Variants in ASAH1 observed in about 807,000 individuals in gnomAD.
ASAH1 encodes N-acylsphingosine amidohydrolase 1, also known as acid ceramidase.
In ASAH1, 70 loss-of-function variants were observed where a neutral mutation model predicts 59.5. That is an observed-to-expected ratio of 1.18 (90% CI 0.97 to 1.43). The LOEUF is 1.43. ASAH1 is among the 40% of genes most tolerant of loss of function. The pLI is 0.00. For synonymous variants in ASAH1, 213 were observed against 166.5 expected (o/e 1.28, Z -2.15); for missense variants, 660 against 482.5 (o/e 1.37, Z -3.45).
intron 5 of ASAH1, chr8:18,066,969 G>A (rs1799951837): frequency 2.4e-6 from 1 of 411,502 alleles, no homozygotes; most frequent in Non-Finnish European, 4.3e-6. Context: ...TACTGGAGGA[G>A]GCAGTATTTT....
intron 5 of ASAH1, chr8:18,066,262 A>C (rs1297031202): frequency 6.6e-6 from 1 of 152,074 alleles, no homozygotes; most frequent in East Asian, 1.9e-4. Context: ...AGACAAAAGT[A>C]AGAGAATAAA....
At chr8:18,078,105 G>T (rs991053148) in intron 1 of ASAH1, among the ~76,000 whole-genome samples, 2 of 152,078 alleles carry the variant, frequency 1.3e-5, no homozygotes, top group African/African-American at 4.8e-5. Flanking sequence ...TAATCTGCGC[G>T]TAGTTCAGGG....
chr8:18,072,308 T>C (rs926475032), intron 2 of ASAH1, among the ~76,000 whole-genome samples: 25 of 152,324 alleles, frequency 1.6e-4, no homozygotes, highest in Admixed American at 3.3e-4. Context: ...GTCTCCTAAA[T>C]AGAAATGTTA....
chr8:18,060,228 G>GCGA (rs1452463697), intron 10 of ASAH1: 4 of 158,934 alleles, frequency 2.5e-5, no homozygotes, highest in African/African-American at 9.6e-5. Context: ...CTTGGCACAA[G>GCGA]CGATACTCTT....
At chr8:18,067,100 T>TGCACCTGTGCTGTATATCTAAGTCATACA in intron 5 of ASAH1, 120 bp downstream of exon 5, 2 of 548,490 alleles carry the variant, frequency 3.6e-6, no homozygotes, top group Non-Finnish European at 6.0e-6. Flanking sequence ...CTAAGACCTG[T>TGCACCTGTGCTGTATATCTAAGTCATACA]GCACCTGTGC....
At chr8:18,084,767 C>T, upstream of ASAH1, 1 of 1,613,634 alleles carries the variant, frequency 6.2e-7, no homozygotes, top group Non-Finnish European at 8.5e-7. Context: ...GTGGGACCCG[C>T]GAGCTTTCTC....
At chr8:18,080,640 C>G (rs1394200327) in intron 1 of ASAH1, among the ~76,000 whole-genome samples, 1 of 152,178 alleles carries the variant, frequency 6.6e-6, no homozygotes, top group East Asian at 1.9e-4. Flanking sequence ...TCACTGCAAC[C>G]TCTCCCTCCC....
intron 1 of ASAH1, 130 bp from the exon 2 acceptor site, chr8:18,075,717 T>A: frequency 1.3e-6 from 1 of 780,598 alleles, no homozygotes; most frequent in Non-Finnish European, 2.2e-6. Flanking sequence ...TTTCAATGCC[T>A]CTTAAAATAA....
chr8:18,083,783 G>C, intron 1 of ASAH1, 198 bp downstream of exon 1: 1 of 1,081,564 alleles, frequency 9.2e-7, no homozygotes, highest in Non-Finnish European at 1.3e-6. Flanking sequence ...TCTAGTTGCA[G>C]GTAGCACCGA....
chr8:18,081,337 T>C (rs1455728284), intron 1 of ASAH1, among the ~76,000 whole-genome samples: 2 of 152,146 alleles, frequency 1.3e-5, no homozygotes, highest in Admixed American at 6.6e-5. Context: ...CCTGTTTTCT[T>C]TTCTGGACTA....
At chr8:18,077,316 T>C (rs1800445518) in intron 1 of ASAH1, among the ~76,000 whole-genome samples, 1 of 152,268 alleles carries the variant, frequency 6.6e-6, no homozygotes, top group Non-Finnish European at 1.5e-5. Context: ...CCTCGCATGT[T>C]CACAAGTTTT....
chr8:18,084,718 C>T, upstream of ASAH1: 3 of 1,613,798 alleles, frequency 1.9e-6, no homozygotes, highest in Middle Eastern at 1.6e-4. Context: ...GAATTGAGGC[C>T]TCGGTGAAAA....
intron 9 of ASAH1, 81 bp from the exon 10 acceptor site, chr8:18,061,539 T>C: frequency 1.2e-5 from 17 of 1,446,540 alleles, no homozygotes; most frequent in Middle Eastern, 1.7e-4. Context: ...GGCTGGACTA[T>C]ATAACCAGTC....
intron 2 of ASAH1, 67 bp from the exon 3 acceptor site, chr8:18,071,457 C>T (rs947633420): frequency 1.9e-6 from 2 of 1,050,486 alleles, no homozygotes. Flanking sequence ...TTAGATACAT[C>T]TATAAGAATA....
intron 1 of ASAH1, among the ~76,000 whole-genome samples, chr8:18,079,570 A>T (rs1320171150): frequency 6.6e-6 from 1 of 152,214 alleles, no homozygotes; most frequent in Admixed American, 6.5e-5. Context: ...CCTCAATGAA[A>T]TAATGTATGC....
chr8:18,062,200 ATTC>A (rs1799732094), intron 8 of ASAH1, 76 bp downstream of exon 8: 1 of 1,593,698 alleles, frequency 6.3e-7, no homozygotes. Flanking sequence ...AGGTCCTCAT[ATTC>A]TTAGATTTCA....
chr8:18,083,620 G>A (rs1040262670), intron 1 of ASAH1, among the ~76,000 whole-genome samples: 11 of 152,204 alleles, frequency 7.2e-5, no homozygotes, highest in African/African-American at 2.7e-4. Context: ...GTCCTTGATT[G>A]AGTAATGCAC....
intron 1 of ASAH1, chr8:18,082,975 A>G (rs1021544460): frequency 6.6e-6 from 1 of 152,218 alleles, no homozygotes; most frequent in Non-Finnish European, 1.5e-5. Context: ...GAAAAACTGT[A>G]TATACTATTC....
chr8:18,081,390 T>C (rs1296684832), intron 1 of ASAH1, among the ~76,000 whole-genome samples: 1 of 152,234 alleles, frequency 6.6e-6, no homozygotes, highest in Non-Finnish European at 1.5e-5. Context: ...TCCAGACTCA[T>C]CTTTTTAAAG....
Sources: gnomAD v4.1 joint callset for allele counts (sites outside exome capture counted in the v4.1 genomes callset) on GRCh38, gnomAD v4.1.1 for gene constraint, MANE v1.5 for transcripts, NCBI Gene and HGNC (gene_info 2026-07-23, HGNC 2026-07-21) for gene names.